PASK: variants seen among roughly 807,000 people sequenced by gnomAD.
PASK encodes the protein PAS domain-containing serine/threonine-protein kinase.
PASK carries 110 observed loss-of-function variants against 121.0 expected under a neutral mutation model. The ratio of observed to expected loss-of-function variants is 0.91; its 90% confidence interval spans 0.78 to 1.06. The LOEUF (loss-of-function observed/expected upper bound fraction) is 1.06, where lower values mean the gene tolerates loss of function less well. PASK is among the 50% of genes least tolerant of loss of function. The pLI, the probability that PASK is intolerant of heterozygous loss-of-function variation, is 0.00. For synonymous variants in PASK, 686 were observed against 717.8 expected, an observed-to-expected ratio of 0.96 and a Z score of 0.71; for missense variants, 1,643 against 1,702.3, an observed-to-expected ratio of 0.97 and a Z score of 0.61.
At chr2:241,121,952 T>C (rs1044508729) in intron 12 of PASK, among the ~76,000 whole-genome samples, 2 of 152,368 alleles carry the variant, frequency 1.3e-5, no homozygotes, top group Admixed American at 1.3e-4. Flanking sequence ...ATACAAAGTA[T>C]GTTCTCTATA....
chr2:241,116,959 A>G (rs936941742), intron 12 of PASK, among the ~76,000 whole-genome samples: 5 of 152,236 alleles, frequency 3.3e-5, no homozygotes, highest in African/African-American at 1.2e-4. Context: ...TGCATGGGAT[A>G]GGGAGTGAGT....
chr2:241,127,478 C>G (rs1346397089), intron 9 of PASK, 27 bp from the exon 10 acceptor site: 7 of 1,569,128 alleles, frequency 4.5e-6, no homozygotes, highest in South Asian at 1.1e-5. Context: ...GGGTGACCAT[C>G]ATGTAGGGCC....
Position 241,108,210 on chromosome 2 carries a change from C to T in PASK, c.3624G>A (p.Glu1208=). 1 of 1,614,034 alleles carries T rather than the reference C, an allele frequency of 6.2e-7. No homozygotes were observed. Among genetic ancestry groups the T allele is most frequent in the Non-Finnish European group, 8.5e-7 (1 of 1,179,956 alleles). ...FEENPFCELE[E]TVEAAIHPPY... Reference sequence around the variant, plus strand: ...GCGGGTGTATGGCAGCCTCCACGGTCTCCTCCAGCTCACAGAAGGGGTTCT... The same window carrying T: ...GCGGGTGTATGGCAGCCTCCACGGTTTCCTCCAGCTCACAGAAGGGGTTCT... The change falls in exon 16 of 18, where the codon GAG becomes GAA. Residue 1208 remains glutamate, a synonymous_variant. Transcript: ENST00000234040. The surrounding 1 kb of genome is among the most constrained non-coding windows in gnomAD (Gnocchi z 5.2).
chr2:241,136,003 T>A lies in PASK; in HGVS notation c.1174A>T (p.Met392Leu). The A allele has an allele frequency of 6.2e-7, 1 of 1,614,100 alleles. No individual in the cohort carries two copies. The highest frequency in any genetic ancestry group is 8.5e-7 in the Non-Finnish European group (1 of 1,179,940). Residue 392 changes from methionine (M) to leucine (L), a missense_variant, in exon 8 of 18, where the codon ATG becomes TTG. Met to Leu is a conservative substitution (Grantham distance 15, BLOSUM62 2). This residue lies in a region of PASK where 1,176 missense variants were observed against 1,162.2 expected (regional missense o/e 1.01). Coordinates refer to ENST00000234040, the MANE Select transcript of PASK (RefSeq NM_015148.4). ...TFLIPGFYSY[M>L]DLAYNSSLQL... ...AATGAGCTGTTGTACGCAAGGTCCA[T>A]GTAGCTGTAGAAACCAGGAATCAGG...
intron 11 of PASK, among the ~76,000 whole-genome samples, chr2:241,123,227 G>A (rs1192654220): frequency 1.3e-5 from 2 of 149,718 alleles, no homozygotes; most frequent in African/African-American, 2.5e-5. Flanking sequence ...CCAGGCTGGA[G>A]TGCAGTGGCG....
intron 9 of PASK, among the ~76,000 whole-genome samples, chr2:241,131,286 C>T (rs1378114124): frequency 6.6e-6 from 1 of 151,914 alleles, no homozygotes; most frequent in Non-Finnish European, 1.5e-5. Flanking sequence ...GTAGCTGGGA[C>T]TACAGGCGCC....
intron 17 of PASK, among the ~76,000 whole-genome samples, 179 bp downstream of exon 17, chr2:241,107,174 G>C (rs774691293): frequency 6.6e-6 from 1 of 152,134 alleles, no homozygotes; most frequent in East Asian, 1.9e-4. Flanking sequence ...CAGAGGCCTC[G>C]GGACAGAATC....
chr2:241,124,172 G>C (rs2065751590), intron 10 of PASK, 39 bp from the exon 11 acceptor site: 1 of 1,541,650 alleles, frequency 6.5e-7, no homozygotes. Flanking sequence ...GGCCTGTGCT[G>C]ACCTGGCTAG....
intron 7 of PASK, among the ~76,000 whole-genome samples, chr2:241,136,320 C>T (rs1038742106): frequency 6.6e-6 from 1 of 152,256 alleles, no homozygotes; most frequent in African/African-American, 2.4e-5. Context: ...TGGCCTTTGG[C>T]CCCATGTTTA....
At chr2:241,131,138 T>C (rs890125100) in intron 9 of PASK, among the ~76,000 whole-genome samples, 15 of 151,352 alleles carry the variant, frequency 9.9e-5, no homozygotes, top group South Asian at 2.1e-4. Context: ...AAAACACATA[T>C]GCATGTATTA....
intron 9 of PASK, among the ~76,000 whole-genome samples, chr2:241,129,135 C>CCT (rs1220301555): frequency 8.5e-5 from 13 of 152,162 alleles, no homozygotes; most frequent in African/African-American, 3.1e-4. Context: ...TGCACATCCT[C>CCT]CTGCAGGATC....
Position 241,127,099 on chromosome 2 carries a change from G to T in PASK, c.1816C>A (p.Leu606Ile), listed in dbSNP as rs1399458085. ...QAKGQLAGGS[L>I]LMHCPCYGSE... ...CCATAGCAAGGGCAGTGCATCAGGA[G>T]GCTGCCCCCCGCCAGCTGACCCTTG... The change falls in exon 10 of 18, where the codon CTC becomes ATC. Residue 606 changes from leucine to isoleucine, a missense_variant. This residue lies in a region of PASK where 1,176 missense variants were observed against 1,162.2 expected (regional missense o/e 1.01). Transcript: ENST00000234040. 5 of 1,613,972 alleles carry T rather than the reference G, an allele frequency of 3.1e-6. No individual in the cohort carries two copies. In the East Asian group the frequency reaches 6.7e-5, roughly 22 times the overall value.
In PASK at chr2:241,113,729, G is replaced by A. The variant is rs567589052; in HGVS notation, c.3334-1290C>T. On this transcript the variant is annotated intron_variant, in intron 14 of 17. Transcript: ENST00000234040. ...CGACTTGAAGAAAGCTGCTCTTCCT[G>A]CAGATGCTTCTGTGCCCTGGACTGG... is the stretch of plus-strand genomic sequence containing the variant. 3.8e-4 allele frequency: 377 copies of A among 985,466 alleles called. 5 individuals carry two copies. In the South Asian group the frequency reaches 0.016, roughly 43 times the overall value. 61.0% of individuals were successfully genotyped at this position (985,466 alleles called of 1,614,324 possible).
intron 9 of PASK, among the ~76,000 whole-genome samples, chr2:241,128,290 C>T (rs1559380360): frequency 6.6e-6 from 1 of 152,004 alleles, no homozygotes; most frequent in African/African-American, 2.4e-5. Flanking sequence ...CAAACACAAA[C>T]AAAAAAAGAA....
chr2:241,107,256 A>C, intron 17 of PASK, 97 bp downstream of exon 17: 1 of 1,047,746 alleles, frequency 9.5e-7, no homozygotes, highest in South Asian at 1.3e-5. Flanking sequence ...TGGGGGAGAG[A>C]GCCTCCTTTT....
Position 241,142,944 on chromosome 2 carries a change from G to C in PASK, c.89C>G (p.Ala30Gly). ...GCTGGGCTCAGCAGTGGTCTGTGCA[G>C]CTGGGCCCTCTGCTGACACTGGCAA... ...LPLPVSAEGP[A>G]AQTTAEPSRS... Residue 30 changes from alanine to glycine, a missense_variant, in exon 2 of 18, where the codon GCT becomes GGT. Coordinates refer to ENST00000234040, the MANE Select transcript of PASK (RefSeq NM_015148.4). 6.2e-7 allele frequency: 1 copy of C among 1,613,886 alleles called. No homozygotes were observed. Among genetic ancestry groups the C allele is most frequent in the African/African-American group, 1.3e-5 (1 of 75,060 alleles).
chr2:241,150,110 G>A (rs905472104), upstream of PASK: 4 of 1,263,208 alleles, frequency 3.2e-6, no homozygotes, highest in Non-Finnish European at 4.0e-6. Context: ...CCTGGCCCGC[G>A]GCCCCTCCAC....
In PASK at chr2:241,132,528, A is replaced by T. The variant is rs1412779432; in HGVS notation, c.1463+346T>A. Among the ~76,000 whole-genome samples, 291 of 62,244 alleles carry T rather than the reference A, an allele frequency of 4.7e-3. 3 individuals carry two copies. The highest frequency in any genetic ancestry group is 0.032 in the East Asian group (23 of 728). 40.8% of individuals were successfully genotyped at this position (62,244 alleles called of 152,430 possible). A position where few individuals can be genotyped will look rare whatever the true frequency, so the allele number is the denominator to read the frequency against. ...TGGGTGACACAGCGAGACTCTGTCT[A>T]AAAAAAAAAAAAAAAAAAAAAAAAA... is the stretch of plus-strand genomic sequence containing the variant. On this transcript the variant is annotated intron_variant, in intron 9 of 17. Transcript: ENST00000234040.
rs773924956 is a variant in PASK, at chr2:241,127,110, G to A, written c.1805C>T (p.Ala602Val). The part of the protein sequence containing the change: ...VAKPQAKGQL[A>V]GGSLLMHCPC... ...GCAGTGCATCAGGAGGCTGCCCCCC[G>A]CCAGCTGACCCTTGGCCTGGGGCTT... Residue 602 changes from alanine to valine, a missense_variant, in exon 10 of 18, where the codon GCG becomes GTG. This residue lies in a region of PASK where 1,176 missense variants were observed against 1,162.2 expected (regional missense o/e 1.01). Coordinates refer to ENST00000234040, the MANE Select transcript of PASK (RefSeq NM_015148.4). 6.8e-5 allele frequency: 110 copies of A among 1,613,890 alleles called. No individual in the cohort carries two copies. The highest frequency in any genetic ancestry group is 1.3e-4 in the Admixed American group (8 of 60,008).
Sources: allele counts gnomAD v4.1 joint callset (sites outside exome capture counted in the v4.1 genomes callset), GRCh38; gene constraint gnomAD v4.1.1; regional missense constraint gnomAD v4.1.1; non-coding constraint Gnocchi (gnomAD v3.1); transcripts MANE v1.5; gene names NCBI Gene and HGNC (gene_info 2026-07-23, HGNC 2026-07-21).